CSMD1: variants seen among roughly 807,000 people sequenced by gnomAD.
CSMD1 encodes the protein CUB and Sushi multiple domains 1, also known as CUB and sushi domain-containing protein 1.
A neutral mutation model predicts 417.5 loss-of-function variants in CSMD1; 213 were observed. That is an observed-to-expected ratio of 0.51 (90% confidence interval 0.46 to 0.57). The LOEUF is 0.57. Ranked by LOEUF, CSMD1 falls within the 20% of genes least tolerant of loss-of-function variation. The pLI is 0.00. For synonymous variants in CSMD1, 2,862 were observed against 1,736.8 expected, an observed-to-expected ratio of 1.65 and a Z score of -16.11; for missense variants, 6,923 against 4,529.7, an observed-to-expected ratio of 1.53 and a Z score of -15.17.
chr8:4,816,009 C>A (rs565365592), intron 1 of CSMD1, among the ~76,000 whole-genome samples: 1 of 152,000 alleles, frequency 6.6e-6, no homozygotes, highest in Admixed American at 6.6e-5. Flanking sequence ...AAAAATGTCA[C>A]GCTATTAAGG....
chr8:4,977,777 G>C (rs767126228), intron 1 of CSMD1, among the ~76,000 whole-genome samples: 14 of 152,216 alleles, frequency 9.2e-5, no homozygotes, highest in Non-Finnish European at 1.9e-4. Flanking sequence ...TGAATGCATT[G>C]AAAGTGAAAG....
At chr8:4,432,982 G>C (rs1311533787) in intron 2 of CSMD1, among the ~76,000 whole-genome samples, 1 of 152,144 alleles carries the variant, frequency 6.6e-6, no homozygotes, top group African/African-American at 2.4e-5. Flanking sequence ...CCTCCTGTCA[G>C]ATCAGTGGGA....
chr8:4,106,144 G>T (rs962839681), intron 3 of CSMD1, among the ~76,000 whole-genome samples: 1 of 152,136 alleles, frequency 6.6e-6, no homozygotes, highest in Non-Finnish European at 1.5e-5. Context: ...TTTATTACAT[G>T]TTTCTCTGGT....
intron 2 of CSMD1, among the ~76,000 whole-genome samples, chr8:4,607,638 G>A (rs1167557988): frequency 6.6e-6 from 1 of 152,028 alleles, no homozygotes; most frequent in Non-Finnish European, 1.5e-5. Flanking sequence ...CCATTTTTTG[G>A]TGTAAAAATG....
At chr8:4,261,664 C>T (rs928000923) in intron 3 of CSMD1, among the ~76,000 whole-genome samples, 4 of 152,108 alleles carry the variant, frequency 2.6e-5, no homozygotes, top group Admixed American at 2.0e-4. Flanking sequence ...GCCACCTCGG[C>T]CTCCCAAAAT....
intron 5 of CSMD1, among the ~76,000 whole-genome samples, chr8:3,928,629 A>G (rs772538711): frequency 6.6e-6 from 1 of 150,466 alleles, no homozygotes; most frequent in African/African-American, 2.5e-5. Flanking sequence ...GAAGGAAGTA[A>G]TAAGAGTATA....
chr8:4,192,592 T>C (rs752237752), intron 3 of CSMD1, among the ~76,000 whole-genome samples: 5 of 152,232 alleles, frequency 3.3e-5, no homozygotes, highest in East Asian at 3.9e-4. Context: ...TCATCAGCTT[T>C]GCCCTATAAT....
intron 12 of CSMD1, among the ~76,000 whole-genome samples, chr8:3,444,714 G>C (rs1331040609): frequency 1.3e-5 from 2 of 152,106 alleles, no homozygotes; most frequent in Non-Finnish European, 2.9e-5. Context: ...TTCCTATTCT[G>C]AATGTAATAT....
intron 7 of CSMD1, among the ~76,000 whole-genome samples, chr8:3,677,333 C>T (rs1254900135): frequency 6.6e-6 from 1 of 152,076 alleles, no homozygotes; most frequent in African/African-American, 2.4e-5. Context: ...CCATCTATAC[C>T]TTTTAAAAGT....
rs144520416 is a variant in CSMD1 at position 3,742,950 on chromosome 8, A to G, written c.931+10980T>C. 2.3e-3 allele frequency among the ~76,000 whole-genome samples: 353 copies of G among 152,292 alleles called. 1 individual carries two copies. The East Asian group carries it at 0.028, about 12-fold the overall frequency. The stretch of plus-strand genomic sequence containing the variant: ...CTCATGTCGCACTCATCTTCTTGAC[A>G]GGATACCACGAGGCACAGACTACAC... On this transcript the variant is annotated intron_variant, in intron 6 of 69. Transcript: ENST00000635120.
At chr8:3,650,331 T>G (rs923148582) in intron 7 of CSMD1, among the ~76,000 whole-genome samples, 3 of 152,114 alleles carry the variant, frequency 2.0e-5, no homozygotes, top group South Asian at 2.1e-4. Context: ...GAGTTTCAAG[T>G]TGAGTTAGGA....
intron 3 of CSMD1, among the ~76,000 whole-genome samples, chr8:4,370,472 T>C (rs1802332632): frequency 6.6e-6 from 1 of 152,194 alleles, no homozygotes; most frequent in Non-Finnish European, 1.5e-5. Context: ...TTCTTGCATT[T>C]GCATGGCAAC....
At chr8:3,378,876 A>T (rs1273110978) in intron 18 of CSMD1, among the ~76,000 whole-genome samples, 1 of 152,324 alleles carries the variant, frequency 6.6e-6, no homozygotes, top group African/African-American at 2.4e-5. Context: ...TATTCAACAC[A>T]GTATTGGAAG....
At chr8:3,320,510 C>G (rs1050008348) in intron 23 of CSMD1, among the ~76,000 whole-genome samples, 8 of 152,180 alleles carry the variant, frequency 5.3e-5, no homozygotes, top group Non-Finnish European at 1.0e-4. Flanking sequence ...TGTTATGACT[C>G]ATAGGCTGAT....
At chr8:3,372,988 T>A (rs995540074) in intron 18 of CSMD1, among the ~76,000 whole-genome samples, 1 of 152,190 alleles carries the variant, frequency 6.6e-6, no homozygotes, top group African/African-American at 2.4e-5. Context: ...ATTGGATTGG[T>A]ATGAATTGAT....
intron 3 of CSMD1, among the ~76,000 whole-genome samples, chr8:4,107,934 C>T (rs777659665): frequency 6.6e-6 from 1 of 152,068 alleles, no homozygotes; most frequent in African/African-American, 2.4e-5. Context: ...CAAAGTTTTG[C>T]CCCCTACGGA....
chr8:4,850,380 A>ATATAT (rs1403352847), intron 1 of CSMD1, among the ~76,000 whole-genome samples: 4 of 82,764 alleles, frequency 4.8e-5, no homozygotes, highest in Non-Finnish European at 7.0e-5. Context: ...AATCCAATTT[A>ATATAT]TCTTTTTTTT....
chr8:4,197,421 G>A (rs1270448110), intron 3 of CSMD1, among the ~76,000 whole-genome samples: 1 of 152,194 alleles, frequency 6.6e-6, no homozygotes, highest in Admixed American at 6.5e-5. Flanking sequence ...GGTAGAATGA[G>A]TAAAGCAGAT....
intron 29 of CSMD1, among the ~76,000 whole-genome samples, chr8:3,217,884 A>C (rs996835673): frequency 3.3e-5 from 5 of 152,194 alleles, no homozygotes; most frequent in African/African-American, 4.8e-5. Flanking sequence ...TTGAACTCAA[A>C]AGTGTAAATA....
Sources: gnomAD v4.1 joint callset for allele counts (sites outside exome capture counted in the v4.1 genomes callset) on GRCh38, gnomAD v4.1.1 for gene constraint, MANE v1.5 for transcripts, NCBI Gene and HGNC (gene_info 2026-07-23, HGNC 2026-07-21) for gene names.